Variants in TARS3 observed in about 807,000 individuals in gnomAD.
TARS3 encodes the protein threonine--tRNA ligase 2, cytoplasmic.
Under a neutral mutation model 103.5 loss-of-function variants are expected in TARS3, and 94 were observed. The ratio of observed to expected loss-of-function variants is 0.91; its 90% confidence interval spans 0.77 to 1.08. The LOEUF is 1.08. Among genes scored for constraint, TARS3 ranks in the 50% least tolerant of loss-of-function variants. TARS3 has a pLI of 0.00. For missense variants in TARS3, 952 were observed against 995.2 expected, an observed-to-expected ratio of 0.96 and a Z score of 0.58; for synonymous variants, 416 against 355.4, an observed-to-expected ratio of 1.17 and a Z score of -1.92.
At chr15:101,714,705 C>A in intron 4 of TARS3, 135 bp downstream of exon 4, 5 of 498,512 alleles carry the variant, frequency 1.0e-5, no homozygotes, top group East Asian at 5.5e-5. Flanking sequence ...ATTTATTAAA[C>A]ATCAATAATC....
chr15:101,661,352 T>A, intron 16 of TARS3, among the ~76,000 whole-genome samples: 1 of 150,500 alleles, frequency 6.6e-6, no homozygotes, highest in Non-Finnish European at 1.5e-5. Context: ...GGGCAAGAGG[T>A]GGTACCTAGG....
intron 10 of TARS3, among the ~76,000 whole-genome samples, chr15:101,689,330 A>G (rs1898608826): frequency 6.6e-6 from 1 of 152,168 alleles, no homozygotes. Flanking sequence ...CTTGGATCCT[A>G]AGGACAGACT....
intron 10 of TARS3, among the ~76,000 whole-genome samples, chr15:101,699,641 C>T (rs1242261150): frequency 2.0e-5 from 3 of 152,312 alleles, no homozygotes; most frequent in African/African-American, 7.2e-5. Flanking sequence ...TTCTTCAAGT[C>T]TCTTCCACTG....
chr15:101,710,465 C>G (rs1384385691), intron 5 of TARS3, among the ~76,000 whole-genome samples: 1 of 152,182 alleles, frequency 6.6e-6, no homozygotes, highest in Admixed American at 6.5e-5. Flanking sequence ...TGGGGCCAGT[C>G]TTGTGGGACT....
chr15:101,706,604 AC>A (rs2141437259), intron 6 of TARS3, among the ~76,000 whole-genome samples: 1 of 152,352 alleles, frequency 6.6e-6, no homozygotes, highest in South Asian at 2.1e-4. Flanking sequence ...TCTGACAAGG[AC>A]ACAGCTATAT....
chr15:101,675,870 G>T, intron 12 of TARS3, 133 bp from the exon 13 acceptor site: 1 of 1,018,368 alleles, frequency 9.8e-7, no homozygotes, highest in Non-Finnish European at 1.4e-6. Flanking sequence ...TGTTTTGGTT[G>T]CTTATCCAAT....
intron 10 of TARS3, among the ~76,000 whole-genome samples, chr15:101,687,364 T>C (rs1324785207): frequency 2.0e-5 from 3 of 152,042 alleles, no homozygotes; most frequent in South Asian, 4.2e-4. Flanking sequence ...GGTCACGCCA[T>C]TGCACTCCAG....
chr15:101,658,723 A>G (rs1897270307), intron 16 of TARS3, among the ~76,000 whole-genome samples: 1 of 152,196 alleles, frequency 6.6e-6, no homozygotes, highest in Non-Finnish European at 1.5e-5. Flanking sequence ...TGGCTGTGAT[A>G]TTGTATCTAG....
intron 10 of TARS3, among the ~76,000 whole-genome samples, chr15:101,693,983 T>A (rs959301012): frequency 4.6e-5 from 7 of 152,020 alleles, no homozygotes; most frequent in Non-Finnish European, 1.0e-4. Flanking sequence ...GTTCTGCATG[T>A]TATCAAAAAG....
rs4555134 is a variant in TARS3 at position 101,724,300 on chromosome 15, C to T, written c.88G>A (p.Glu30Lys). Residue 30 changes from glutamate to lysine, a missense_variant, in exon 1 of 19, where the codon GAG (glutamate) becomes AAG (lysine). Transcript: ENST00000335968. ...TTCAGCTGCTCGTCCCTCAGGCGCTCGACCTCCGACCACAGCCAGCGGATG... is the reference window on the plus strand; with the variant it reads ...TTCAGCTGCTCGTCCCTCAGGCGCTTGACCTCCGACCACAGCCAGCGGATG... ...EDIRWLWSEV[E>K]RLRDEQLNAP... 1 of 1,570,858 alleles carries T rather than the reference C, an allele frequency of 6.4e-7. No homozygotes were observed. Among genetic ancestry groups the T allele is most frequent in the Non-Finnish European group, 8.6e-7 (1 of 1,165,084 alleles).
intron 6 of TARS3, among the ~76,000 whole-genome samples, chr15:101,706,851 A>T (rs1429624368): frequency 3.9e-5 from 6 of 152,244 alleles, no homozygotes; most frequent in Non-Finnish European, 1.5e-5. Context: ...TCCTTAACAA[A>T]GATTAATTGT....
Position 101,684,253 on chromosome 15 carries a change from T to C in TARS3, c.1488-16A>G. On this transcript the variant is annotated splice_polypyrimidine_tract_variant and intron_variant, in intron 11 of 18. Coordinates refer to ENST00000335968, the MANE Select transcript of TARS3 (RefSeq NM_152334.3). Reference sequence around the variant, plus strand: ...AAACATTAGACTAGAAAAGATGTGGTAACACACAGCTTTTACACAGCACAG... The same window carrying C: ...AAACATTAGACTAGAAAAGATGTGGCAACACACAGCTTTTACACAGCACAG... 4 of 1,611,274 alleles carry C rather than the reference T, an allele frequency of 2.5e-6. No homozygotes were observed. The highest frequency in any genetic ancestry group is 1.1e-5 in the South Asian group (1 of 90,690).
At chr15:101,669,975 A>C (rs1271825846) in intron 15 of TARS3, among the ~76,000 whole-genome samples, 1 of 152,274 alleles carries the variant, frequency 6.6e-6, no homozygotes, top group Admixed American at 6.5e-5. Flanking sequence ...ATAATGAGAC[A>C]CTTAGATGCA....
intron 10 of TARS3, among the ~76,000 whole-genome samples, chr15:101,694,932 T>TTAAG (rs1160150352): frequency 6.6e-6 from 1 of 152,080 alleles, no homozygotes; most frequent in Non-Finnish European, 1.5e-5. Flanking sequence ...GGTACAGAGA[T>TTAAG]TAAGTGTAGG....
intron 15 of TARS3, 63 bp from the exon 16 acceptor site, chr15:101,661,879 T>G (rs1244298894): frequency 5.9e-6 from 6 of 1,017,546 alleles, no homozygotes; most frequent in Non-Finnish European, 8.5e-6. Flanking sequence ...CTTCTAGCCT[T>G]ATATTTAATT....
At chr15:101,705,594 C>G in intron 7 of TARS3, 89 bp downstream of exon 7, 1 of 1,038,500 alleles carries the variant, frequency 9.6e-7, no homozygotes. Flanking sequence ...CTTGAAAAAT[C>G]GATCTCCAAC....
intron 10 of TARS3, among the ~76,000 whole-genome samples, chr15:101,687,078 C>CT (rs1898506377): frequency 6.6e-6 from 1 of 152,080 alleles, no homozygotes; most frequent in South Asian, 2.1e-4. Flanking sequence ...CAGTGAGCTG[C>CT]TTTACCTATC....
chr15:101,716,834 T>C (rs977031839), intron 3 of TARS3, among the ~76,000 whole-genome samples: 18 of 151,184 alleles, frequency 1.2e-4, no homozygotes, highest in African/African-American at 4.4e-4. Flanking sequence ...TACTATTAAA[T>C]TGTATCAACT....
chr15:101,697,122 T>G (rs572757720), intron 10 of TARS3, among the ~76,000 whole-genome samples: 10 of 152,342 alleles, frequency 6.6e-5, no homozygotes, highest in African/African-American at 2.4e-4. Flanking sequence ...TGTCTTACTT[T>G]TCCCTCCCTT....
Sources: gnomAD v4.1 joint callset for allele counts (sites outside exome capture counted in the v4.1 genomes callset) on GRCh38, gnomAD v4.1.1 for gene constraint, MANE v1.5 for transcripts, NCBI Gene and HGNC (gene_info 2026-07-23, HGNC 2026-07-21) for gene names.